Variants in APCDD1 observed in about 807,000 individuals in gnomAD.
The protein encoded by APCDD1 is APC down-regulated 1.
APCDD1 carries 15 observed loss-of-function variants against 38.1 expected under a neutral mutation model. That is an observed-to-expected ratio of 0.39 (90% confidence interval 0.26 to 0.61). The LOEUF is 0.61. Among genes scored for constraint, APCDD1 ranks in the 20% least tolerant of loss-of-function variants. The probability of loss-of-function intolerance (pLI) is 0.49; values close to 1 mark genes in which losing one functional copy is unlikely to be tolerated. For missense variants in APCDD1, 647 were observed against 696.2 expected (o/e 0.93, Z 0.79); for synonymous variants, 261 against 279.7 (o/e 0.93, Z 0.67).
At chr18:10,478,248 G>C (rs2031052756) in intron 3 of APCDD1, among the ~76,000 whole-genome samples, 1 of 152,240 alleles carries the variant, frequency 6.6e-6, no homozygotes, top group Non-Finnish European at 1.5e-5. Flanking sequence ...CGAGGTGGCT[G>C]TGCAGCCTCC....
chr18:10,472,134 G>A lies in APCDD1; in HGVS notation c.774+73G>A. Reference sequence around the variant, plus strand: ...TCCTTCTTAAAGGCTTGCCATGGGGGCTCTAGGGCACCCTTGAAAGGGGGA... The same window carrying A: ...TCCTTCTTAAAGGCTTGCCATGGGGACTCTAGGGCACCCTTGAAAGGGGGA... On this transcript the variant is annotated intron_variant, in intron 3 of 4. Coordinates refer to ENST00000355285, the MANE Select transcript of APCDD1 (RefSeq NM_153000.5). The surrounding 1 kb of genome is among the most constrained non-coding windows in gnomAD (Gnocchi z 6.6). 6.3e-7 allele frequency: 1 copy of A among 1,595,218 alleles called. No individual in the cohort carries two copies. The highest frequency in any genetic ancestry group is 8.6e-7 in the Non-Finnish European group (1 of 1,167,428).
intron 3 of APCDD1, chr18:10,477,846 C>G (rs1273912133): frequency 6.6e-6 from 1 of 152,104 alleles, no homozygotes; most frequent in Non-Finnish European, 1.5e-5. Flanking sequence ...AAGAAAGAAA[C>G]AAGTAAAAAG....
chr18:10,470,289 T>C lies in APCDD1; in HGVS notation c.243-1241T>C, dbSNP rs191781737. Among the ~76,000 whole-genome samples the C allele has an allele frequency of 2.2e-4, 33 of 152,360 alleles. 1 individual carries two copies. In the East Asian group the frequency reaches 5.8e-3, roughly 27 times the overall value. ...ACCTCATCTAACATGAATCACTGCT[T>C]ACACTAAACTTCTCTTTCCTTGTGG... is the stretch of plus-strand genomic sequence containing the variant. On this transcript the variant is annotated intron_variant, in intron 2 of 4. Transcript: ENST00000355285. The surrounding 1 kb of genome is among the most constrained non-coding windows in gnomAD (Gnocchi z 4.1).
In APCDD1 at chr18:10,487,734, GC is replaced by G; in HGVS notation, c.1242del (p.Ile415SerfsTer153). On this transcript the variant is annotated frameshift_variant, in exon 5 of 5. Transcript: ENST00000355285. LOFTEE classifies it low-confidence loss of function (END_TRUNC). ...CACACCAATGGCTGCGTGGCCCTGG[GC>G]ATCAAACTACCTCACACGGAGTACG... ...VTHTNGCVALGIKLPHTEYEI... is the reference protein window; with the variant it reads ...VTHTNGCVALXIKLPHTEYEI... 1 of 1,614,146 alleles carries G rather than the reference GC, an allele frequency of 6.2e-7. No individual in the cohort carries two copies. Among genetic ancestry groups the G allele is most frequent in the Non-Finnish European group, 8.5e-7 (1 of 1,180,032 alleles).
chr18:10,467,374 T>C lies in APCDD1; in HGVS notation c.59-1095T>C, dbSNP rs891634916. 3.9e-5 allele frequency among the ~76,000 whole-genome samples: 6 copies of C among 152,240 alleles called. No individual in the cohort carries two copies. The highest frequency in any genetic ancestry group is 5.9e-5 in the Non-Finnish European group (4 of 68,040). ...ATTTTGTATATTTAAAAAAAGTTTG[T>C]ACAGTTGTCTAACTAGTGTCTTTTC... On this transcript the variant is annotated intron_variant, in intron 1 of 4. Transcript: ENST00000355285. The surrounding 1 kb of genome is among the most constrained non-coding windows in gnomAD (Gnocchi z 4.8).
intron 3 of APCDD1, among the ~76,000 whole-genome samples, chr18:10,478,239 G>C (rs183681852): frequency 1.3e-5 from 2 of 152,202 alleles, no homozygotes; most frequent in African/African-American, 4.8e-5. Context: ...TAACAGGCCC[G>C]AGGTGGCTGT....
chr18:10,459,943 A>G (rs190413939), intron 1 of APCDD1, among the ~76,000 whole-genome samples: 4 of 152,376 alleles, frequency 2.6e-5, no homozygotes, highest in African/African-American at 9.6e-5. Context: ...AACAGAAAAG[A>G]ATCATTTTAA....
In APCDD1 at chr18:10,454,680, A is replaced by G; in HGVS notation, c.-302A>G. 1 of 988,358 alleles carries G rather than the reference A, an allele frequency of 1.0e-6. No homozygotes were observed. The highest frequency in any genetic ancestry group is 1.2e-6 in the Non-Finnish European group (1 of 832,608). The allele number at this position is 988,358 out of a possible 1,614,324, so 61.2% of individuals were successfully genotyped here. A position where few individuals can be genotyped will look rare whatever the true frequency, so the allele number is the denominator to read the frequency against. On this transcript the variant is annotated 5_prime_UTR_variant, in exon 1 of 5. Coordinates refer to ENST00000355285, the MANE Select transcript of APCDD1 (RefSeq NM_153000.5). ...GTGGCGGTGGCGGCCACTGCAGCTC[A>G]GAGCGGCGCACGCGGCGGCCGGGGC... is the stretch of plus-strand genomic sequence containing the variant.
chr18:10,473,019 C>T (rs890706035), intron 3 of APCDD1, among the ~76,000 whole-genome samples: 7 of 152,134 alleles, frequency 4.6e-5, no homozygotes, highest in Admixed American at 3.9e-4. Flanking sequence ...TCTCCCCGGC[C>T]GTCCCCATTG....
chr18:10,487,412 C>T (rs2031271187), intron 4 of APCDD1, among the ~76,000 whole-genome samples, 178 bp from the exon 5 acceptor site: 1 of 152,206 alleles, frequency 6.6e-6, no homozygotes, highest in South Asian at 2.1e-4. Context: ...AGGTTGAACT[C>T]TTCTCCGCCT....
intron 3 of APCDD1, among the ~76,000 whole-genome samples, chr18:10,480,030 AC>A (rs1456833408): frequency 2.0e-5 from 3 of 152,194 alleles, no homozygotes; most frequent in African/African-American, 7.2e-5. Context: ...AAGAATAGCA[AC>A]AAGGAAACAC....
intron 3 of APCDD1, among the ~76,000 whole-genome samples, chr18:10,474,556 C>G (rs971102502): frequency 4.6e-5 from 7 of 152,346 alleles, no homozygotes; most frequent in Middle Eastern, 3.4e-3. Flanking sequence ...TGCACCCACT[C>G]AGGTTCTGGT....
intron 1 of APCDD1, among the ~76,000 whole-genome samples, chr18:10,459,122 G>A (rs1364797374): frequency 6.6e-6 from 1 of 152,152 alleles, no homozygotes; most frequent in Non-Finnish European, 1.5e-5. Flanking sequence ...CATCTATGAG[G>A]GCCTACTATG....
chr18:10,462,449 TCCTCCCTCCCTC>T (rs1180789930), intron 1 of APCDD1, among the ~76,000 whole-genome samples: 1 of 55,928 alleles, frequency 1.8e-5, no homozygotes, highest in Admixed American at 1.6e-4. Flanking sequence ...CTCTCTCCTT[TCCTCCCTCCCTC>T]CCTCCCTCCT....
At position 10,470,541 on chromosome 18, in the gene APCDD1, C is replaced by A. The variant is rs116632899; in HGVS notation, c.243-989C>A. 4.3e-3 allele frequency among the ~76,000 whole-genome samples: 651 copies of A among 152,346 alleles called. 5 individuals carry two copies. The highest frequency in any genetic ancestry group is 0.015 in the African/African-American group (620 of 41,578). On this transcript the variant is annotated intron_variant, in intron 2 of 4. Transcript: ENST00000355285. This position sits in a 1 kb window ranked among gnomAD's most constrained non-coding sequence, Gnocchi z 4.1. ...TGTGTTTGGCATTTTAGCCTGACTG[C>A]TTGATTTAGCAGCGCTTCGTCAGTT...
At chr18:10,486,972 G>A (rs7242591) in intron 4 of APCDD1, among the ~76,000 whole-genome samples, 44,326 of 152,116 alleles carry the variant, frequency 0.29, 6,851 homozygotes, top group East Asian at 0.4. Flanking sequence ...GAAGCTCATC[G>A]TGTTATACAC....
Sources: allele counts gnomAD v4.1 joint callset (sites outside exome capture counted in the v4.1 genomes callset), GRCh38; gene constraint gnomAD v4.1.1; non-coding constraint Gnocchi (gnomAD v3.1); transcripts MANE v1.5; gene names NCBI Gene and HGNC (gene_info 2026-07-23, HGNC 2026-07-21).